The following GPR141 variants were observed in gnomAD, a reference collection of about 807,000 sequenced individuals.
GPR141 encodes the protein probable G protein-coupled receptor 141.
Under a neutral mutation model 6.8 loss-of-function variants are expected in GPR141, and 6 were observed. The observed-to-expected ratio is 0.88, with a 90% CI of 0.48 to 1.74. The LOEUF (loss-of-function observed/expected upper bound fraction) is 1.74, where lower values mean the gene tolerates loss of function less well. Among genes scored for constraint, GPR141 ranks in the 40% most tolerant of loss-of-function variants. The pLI is 0.01. For synonymous variants in GPR141, 140 were observed against 142.3 expected (o/e 0.98, Z 0.11); for missense variants, 372 against 372.9 (o/e 1.00, Z 0.02).
chr7:37,730,250 C>T (rs1811855628), intron 2 of GPR141, among the ~76,000 whole-genome samples: 1 of 152,156 alleles, frequency 6.6e-6, no homozygotes, highest in Non-Finnish European at 1.5e-5. Context: ...AAGTACTTGA[C>T]ACATACCATG....
At chr7:37,684,696 G>A (rs1809421566) in intron 1 of GPR141, among the ~76,000 whole-genome samples, 1 of 152,116 alleles carries the variant, frequency 6.6e-6, no homozygotes, top group South Asian at 2.1e-4. Flanking sequence ...TTACAAATTT[G>A]TTATATGACT....
At chr7:37,710,214 C>A (rs552925513) in intron 2 of GPR141, among the ~76,000 whole-genome samples, 1 of 151,814 alleles carries the variant, frequency 6.6e-6, no homozygotes, top group African/African-American at 2.4e-5. Context: ...TTTTTTTCTG[C>A]CCTTACTCTT....
chr7:37,696,079 TA>T (rs1467358402), intron 2 of GPR141, among the ~76,000 whole-genome samples: 1 of 152,236 alleles, frequency 6.6e-6, no homozygotes, highest in Non-Finnish European at 1.5e-5. Context: ...ATTCCCCATA[TA>T]AACAATGGTT....
chr7:37,712,254 A>G (rs1227650573), intron 2 of GPR141, among the ~76,000 whole-genome samples: 1 of 152,152 alleles, frequency 6.6e-6, no homozygotes, highest in African/African-American at 2.4e-5. Flanking sequence ...GAAGCAATCA[A>G]ATTCCCACCT....
intron 2 of GPR141, among the ~76,000 whole-genome samples, chr7:37,728,672 G>A (rs1333264105): frequency 6.6e-6 from 1 of 151,924 alleles, no homozygotes; most frequent in African/African-American, 2.4e-5. Context: ...AAGGCTTTGG[G>A]AAGGGGGTTG....
chr7:37,691,380 T>C (rs1809760474), intron 2 of GPR141, among the ~76,000 whole-genome samples: 1 of 149,004 alleles, frequency 6.7e-6, no homozygotes, highest in Non-Finnish European at 1.5e-5. Flanking sequence ...CTGCAACCTC[T>C]GCCTCCCGGG....
chr7:37,719,794 A>T (rs1811228123), intron 2 of GPR141, among the ~76,000 whole-genome samples: 1 of 152,110 alleles, frequency 6.6e-6, no homozygotes, highest in Admixed American at 6.5e-5. Flanking sequence ...TTTTTTTTGA[A>T]AAACATTCCT....
Position 37,736,051 on chromosome 7 carries a change from G to A in GPR141, c.-14-4329G>A, listed in dbSNP as rs532634691. On this transcript the variant is annotated intron_variant, in intron 2 of 2. Transcript: ENST00000334425. ...AGGCGGGTGGATCACTTGAGGTCAG[G>A]AGTTTGAGACCAGACGGACCAACAT... Among the ~76,000 whole-genome samples, 4 of 152,238 alleles carry A rather than the reference G, an allele frequency of 2.6e-5. No individual in the cohort carries two copies. The East Asian group carries it at 7.7e-4, about 29-fold the overall frequency.
intron 2 of GPR141, among the ~76,000 whole-genome samples, chr7:37,703,215 C>T (rs1240580527): frequency 1.3e-5 from 2 of 152,170 alleles, no homozygotes; most frequent in Non-Finnish European, 1.5e-5. Context: ...CCTGCTTCCA[C>T]TGCCACTTTT....
intron 2 of GPR141, among the ~76,000 whole-genome samples, chr7:37,718,340 T>C (rs1224055281): frequency 2.0e-5 from 3 of 152,240 alleles, no homozygotes; most frequent in Non-Finnish European, 4.4e-5. Context: ...AGACTCCATC[T>C]GTACAAAAAC....
chr7:37,711,041 CTTAAA>C (rs1485115925), intron 2 of GPR141, among the ~76,000 whole-genome samples: 3 of 152,184 alleles, frequency 2.0e-5, no homozygotes, highest in South Asian at 2.1e-4. Flanking sequence ...ACTGATGTTA[CTTAAA>C]TTAAAATCAC....
intron 2 of GPR141, among the ~76,000 whole-genome samples, chr7:37,733,613 G>A (rs538905710): frequency 1.1e-4 from 17 of 150,334 alleles, no homozygotes; most frequent in African/African-American, 2.7e-4. Flanking sequence ...CGGAGGTTGC[G>A]GTGAGCCGAG....
intron 2 of GPR141, among the ~76,000 whole-genome samples, chr7:37,720,511 G>A (rs527596500): frequency 5.9e-4 from 90 of 152,318 alleles, no homozygotes; most frequent in African/African-American, 2.1e-3. Context: ...GGAGGCCGAA[G>A]CAGATGGATC....
chr7:37,734,734 G>A (rs1812150142), intron 2 of GPR141, among the ~76,000 whole-genome samples: 1 of 152,210 alleles, frequency 6.6e-6, no homozygotes, highest in Admixed American at 6.5e-5. Context: ...TAGTATGGGA[G>A]TCAGAGAAAA....
At chr7:37,731,532 C>G (rs1341617275) in intron 2 of GPR141, among the ~76,000 whole-genome samples, 1 of 152,102 alleles carries the variant, frequency 6.6e-6, no homozygotes, top group African/African-American at 2.4e-5. Flanking sequence ...CAAGCTCCGC[C>G]TCCCGGGTTC....
chr7:37,693,505 G>A (rs1171178610), intron 2 of GPR141, among the ~76,000 whole-genome samples: 1 of 152,046 alleles, frequency 6.6e-6, no homozygotes, highest in Non-Finnish European at 1.5e-5. Context: ...GTCACATACG[G>A]CTGTGTTTCT....
rs539767176 is a variant in GPR141 at position 37,691,962 on chromosome 7, C to CT, written c.-15+6387dup. On this transcript the variant is annotated intron_variant, in intron 2 of 2. Transcript: ENST00000334425. The stretch of plus-strand genomic sequence containing the variant: ...TAAGAATTCTCGCTGTCTTTGACTT[C>CT]TTTTTTTTGTGTGGGCTGAATTGCA... Among the ~76,000 whole-genome samples, 14 of 151,926 alleles carry CT rather than the reference C, an allele frequency of 9.2e-5. No individual in the cohort carries two copies. The South Asian group carries it at 1.3e-3, about 14-fold the overall frequency.
chr7:37,715,561 C>T (rs572543395), intron 2 of GPR141, among the ~76,000 whole-genome samples: 3 of 152,226 alleles, frequency 2.0e-5, no homozygotes, highest in East Asian at 1.9e-4. Context: ...CTTAGTTTAT[C>T]GCAATGTTAG....
chr7:37,700,033 C>G (rs1810208667), intron 2 of GPR141, among the ~76,000 whole-genome samples: 2 of 152,140 alleles, frequency 1.3e-5, no homozygotes, highest in Non-Finnish European at 2.9e-5. Context: ...CTCTTGTTTG[C>G]TAAACTGAAG....
Sources: allele counts gnomAD v4.1 joint callset (sites outside exome capture counted in the v4.1 genomes callset), GRCh38; gene constraint gnomAD v4.1.1; transcripts MANE v1.5; gene names NCBI Gene and HGNC (gene_info 2026-07-23, HGNC 2026-07-21).